Variants in PPP2R3A observed in about 807,000 individuals in gnomAD.
The protein encoded by PPP2R3A is serine/threonine-protein phosphatase 2A regulatory subunit B'' subunit alpha.
Under a neutral mutation model 106.9 loss-of-function variants are expected in PPP2R3A, and 80 were observed. The observed-to-expected ratio is 0.75, with a 90% confidence interval of 0.62 to 0.90. PPP2R3A has a LOEUF of 0.90. Among genes scored for constraint, PPP2R3A ranks in the 40% least tolerant of loss-of-function variants. The pLI, the probability that PPP2R3A is intolerant of heterozygous loss-of-function variation, is 0.00. For missense variants in PPP2R3A, 1,386 were observed against 1,350.4 expected (o/e 1.03, Z -0.41); for synonymous variants, 483 against 468.3 (o/e 1.03, Z -0.41).
In PPP2R3A at chr3:136,093,014, G is replaced by T. The variant is rs928961086; in HGVS notation, c.2927+2347G>T. On this transcript the variant is annotated intron_variant, in intron 10 of 13. Transcript: ENST00000264977. ...GCTATAAAAAATTCAGAAGAAAATA[G>T]AGGAGTAAATTTTCACGACCTTGGC... Among the ~76,000 whole-genome samples, 4 of 152,284 alleles carry T rather than the reference G, an allele frequency of 2.6e-5. No homozygotes were observed. The East Asian group carries it at 7.7e-4, about 29-fold the overall frequency.
intron 10 of PPP2R3A, among the ~76,000 whole-genome samples, chr3:136,093,031 G>A (rs1012707601): frequency 3.3e-5 from 5 of 152,152 alleles, no homozygotes; most frequent in African/African-American, 7.2e-5. Context: ...AAATTTTCAC[G>A]ACCTTGGCTA....
chr3:136,047,363 T>C (rs1325218380), intron 4 of PPP2R3A, among the ~76,000 whole-genome samples: 2 of 152,206 alleles, frequency 1.3e-5, no homozygotes, highest in Non-Finnish European at 2.9e-5. Flanking sequence ...TGAAGCACTG[T>C]TCACAATTGC....
intron 1 of PPP2R3A, among the ~76,000 whole-genome samples, chr3:135,990,416 A>G (rs1342999277): frequency 6.6e-6 from 1 of 152,152 alleles, no homozygotes; most frequent in Non-Finnish European, 1.5e-5. Context: ...AGCTCAATAA[A>G]TACCTCTTAA....
intron 1 of PPP2R3A, among the ~76,000 whole-genome samples, chr3:135,993,421 AC>A (rs1439296418): frequency 6.6e-6 from 1 of 152,222 alleles, no homozygotes; most frequent in African/African-American, 2.4e-5. Flanking sequence ...ATGTAGAGCT[AC>A]TAGAGCTCTC....
chr3:136,041,250 GTTTTT>G (rs1246326384), intron 4 of PPP2R3A, among the ~76,000 whole-genome samples: 1 of 56,588 alleles, frequency 1.8e-5, no homozygotes, highest in Non-Finnish European at 3.7e-5. Flanking sequence ...TTTTTTTTTT[GTTTTT>G]TTTTTTGTTT....
At chr3:136,023,093 A>G in intron 2 of PPP2R3A, 3 of 1,613,474 alleles carry the variant, frequency 1.9e-6, no homozygotes, top group Non-Finnish European at 2.5e-6. Context: ...AAACATCTCT[A>G]CGAAGGGACC....
At chr3:136,033,154 T>A (rs543773603) in intron 3 of PPP2R3A, among the ~76,000 whole-genome samples, 1 of 152,346 alleles carries the variant, frequency 6.6e-6, no homozygotes, top group East Asian at 1.9e-4. Flanking sequence ...TGGTTTTTAA[T>A]TCTGTTTTTG....
chr3:136,030,005 A>AGTCCAAGACCAGCCTGGGC (rs1934811241), intron 3 of PPP2R3A, among the ~76,000 whole-genome samples: 1 of 152,182 alleles, frequency 6.6e-6, no homozygotes, highest in African/African-American at 2.4e-5. Context: ...TGAGCCTGGG[A>AGTCCAAGACCAGCCTGGGC]GTCCAAGACC....
At chr3:135,987,423 T>A (rs1359286258) in intron 1 of PPP2R3A, among the ~76,000 whole-genome samples, 2 of 152,072 alleles carry the variant, frequency 1.3e-5, no homozygotes, top group Admixed American at 1.3e-4. Flanking sequence ...GGAACCCAAA[T>A]CTTTTATAAT....
chr3:136,033,270 C>A (rs1345514189), intron 3 of PPP2R3A, among the ~76,000 whole-genome samples: 1 of 152,174 alleles, frequency 6.6e-6, no homozygotes, highest in East Asian at 1.9e-4. Flanking sequence ...TTGTTAGATT[C>A]AGTTAGCTAG....
intron 2 of PPP2R3A, among the ~76,000 whole-genome samples, chr3:136,013,666 CTTAT>C (rs1934172245): frequency 6.6e-6 from 1 of 151,924 alleles, no homozygotes; most frequent in African/African-American, 2.4e-5. Flanking sequence ...TAAGACTTGT[CTTAT>C]TTGTGTCCTT....
At position 136,085,543 on chromosome 3, in the gene PPP2R3A, G is replaced by C. The variant is rs369388620; in HGVS notation, c.2789-2340G>C. On this transcript the variant is annotated intron_variant, in intron 8 of 13. Transcript: ENST00000264977. ...GATCCACTCGCTTTGGCCTGCCAAA[G>C]TGCTAGGATTACAGGCATGATCCAC... 1.3e-3 allele frequency among the ~76,000 whole-genome samples: 200 copies of C among 152,064 alleles called. 1 individual carries two copies. The highest frequency in any genetic ancestry group is 4.5e-3 in the African/African-American group (185 of 41,486).
chr3:136,138,046 G>T (rs1420394203), intron 13 of PPP2R3A, among the ~76,000 whole-genome samples: 1 of 152,066 alleles, frequency 6.6e-6, no homozygotes, highest in Non-Finnish European at 1.5e-5. Flanking sequence ...ATATATTAGG[G>T]TATAGGGAAA....
At chr3:136,130,415 A>G (rs1021496222) in intron 13 of PPP2R3A, among the ~76,000 whole-genome samples, 1 of 152,196 alleles carries the variant, frequency 6.6e-6, no homozygotes, top group Non-Finnish European at 1.5e-5. Flanking sequence ...CACCATTGCT[A>G]TAAAGAGAAT....
intron 1 of PPP2R3A, among the ~76,000 whole-genome samples, chr3:135,986,680 C>T (rs999263788): frequency 2.6e-5 from 4 of 152,062 alleles, no homozygotes. Flanking sequence ...CCACAGCTAC[C>T]CACTACCCGC....
At chr3:136,075,530 C>T (rs1936566954) in intron 6 of PPP2R3A, among the ~76,000 whole-genome samples, 1 of 152,032 alleles carries the variant, frequency 6.6e-6, no homozygotes, top group South Asian at 2.1e-4. Context: ...AATACAAATA[C>T]ATTGTCTTAT....
intron 3 of PPP2R3A, among the ~76,000 whole-genome samples, chr3:136,030,685 A>T (rs1934838894): frequency 6.6e-6 from 1 of 151,576 alleles, no homozygotes; most frequent in Non-Finnish European, 1.5e-5. Context: ...TTCACATGGA[A>T]TAGTCTCCAA....
At chr3:136,056,204 A>G (rs1050287485) in intron 5 of PPP2R3A, among the ~76,000 whole-genome samples, 11 of 152,234 alleles carry the variant, frequency 7.2e-5, no homozygotes, top group African/African-American at 2.7e-4. Context: ...AGGAAAGTCT[A>G]AGAAACTGTC....
At chr3:136,068,735 A>G (rs1936337367) in intron 5 of PPP2R3A, among the ~76,000 whole-genome samples, 1 of 151,532 alleles carries the variant, frequency 6.6e-6, no homozygotes, top group Admixed American at 6.6e-5. Flanking sequence ...GTCTGCCTCC[A>G]TGATATTTAT....
Sources: gnomAD v4.1 joint callset for allele counts (sites outside exome capture counted in the v4.1 genomes callset) on GRCh38, gnomAD v4.1.1 for gene constraint, MANE v1.5 for transcripts, NCBI Gene and HGNC (gene_info 2026-07-23, HGNC 2026-07-21) for gene names.